Variants in DPP6 observed in about 807,000 individuals in gnomAD.
DPP6 encodes A-type potassium channel modulatory protein DPP6.
In DPP6, 69 loss-of-function variants were observed where a neutral mutation model predicts 122.6. That is an observed-to-expected ratio of 0.56 (90% CI 0.46 to 0.69). DPP6 has a LOEUF of 0.69. Among genes scored for constraint, DPP6 ranks in the 30% least tolerant of loss-of-function variants. DPP6 has a pLI of 0.00. For synonymous variants in DPP6, 418 were observed against 433.1 expected (o/e 0.97, Z 0.43); for missense variants, 928 against 1,116.9 (o/e 0.83, Z 2.41).
intron 1 of DPP6, among the ~76,000 whole-genome samples, chr7:153,966,600 C>A (rs1795749365): frequency 2.7e-5 from 1 of 36,846 alleles, no homozygotes. Context: ...TGCATATAGC[C>A]CTTTTTTTTT....
At chr7:153,796,553 G>A in the DPP6 span, among the ~76,000 whole-genome samples, 92 of 152,224 alleles carry the variant, frequency 6.0e-4, no homozygotes, top group East Asian at 0.015. Flanking sequence ...AGTGATAGGA[G>A]TGTTTTTGTT....
chr7:154,701,616 T>C (rs1266449744), intron 7 of DPP6, among the ~76,000 whole-genome samples: 1 of 152,216 alleles, frequency 6.6e-6, no homozygotes, highest in African/African-American at 2.4e-5. Context: ...GCCATATCAT[T>C]GCTTCACTCA....
intron 1 of DPP6, among the ~76,000 whole-genome samples, chr7:154,004,364 A>G (rs968821591): frequency 5.3e-5 from 8 of 152,182 alleles, no homozygotes; most frequent in African/African-American, 1.9e-4. Flanking sequence ...CGTGTCAGGA[A>G]CTGTGCCAAG....
chr7:154,866,643 C>T (rs1020632664), intron 17 of DPP6, among the ~76,000 whole-genome samples: 9 of 152,222 alleles, frequency 5.9e-5, no homozygotes, highest in African/African-American at 1.7e-4. Context: ...ACGTGGTGTT[C>T]GGAACCTTTC....
At position 154,090,905 on chromosome 7, in the gene DPP6, AG is replaced by A. The variant is rs1474941705; in HGVS notation, c.243+37843del. 6.7e-5 allele frequency among the ~76,000 whole-genome samples: 10 copies of A among 148,954 alleles called. 1 individual carries two copies. Among genetic ancestry groups the A allele is most frequent in the Admixed American group, 3.4e-4 (5 of 14,842 alleles). ...GGAGGCCGAGGCGGGCGGATCACAA[AG>A]TCAGGAGATCGAGACCATCCTGGCT... On this transcript the variant is annotated intron_variant, in intron 1 of 25. Coordinates refer to ENST00000377770, the MANE Select transcript of DPP6 (RefSeq NM_130797.4).
At chr7:153,874,152 C>A in the DPP6 span, among the ~76,000 whole-genome samples, 1 of 151,978 alleles carries the variant, frequency 6.6e-6, no homozygotes, top group Admixed American at 6.5e-5. Context: ...ATCTGCACAC[C>A]TAGTATTGGA....
intron 8 of DPP6, among the ~76,000 whole-genome samples, chr7:154,759,519 C>G (rs1402920830): frequency 1.3e-5 from 2 of 152,224 alleles, no homozygotes; most frequent in Non-Finnish European, 2.9e-5. Context: ...ACTGTGCGGT[C>G]TTTCCTTCCG....
chr7:154,165,441 A>G (rs1797198481), intron 1 of DPP6, among the ~76,000 whole-genome samples: 1 of 149,044 alleles, frequency 6.7e-6, no homozygotes, highest in African/African-American at 2.6e-5. Context: ...AGTCTTTGCT[A>G]TTGTGAATAA....
At chr7:153,894,119 A>G (rs921276486) in intron 1 of DPP6, among the ~76,000 whole-genome samples, 7 of 152,214 alleles carry the variant, frequency 4.6e-5, no homozygotes, top group African/African-American at 1.4e-4. Context: ...TAAAGACTAC[A>G]GACTAAACTT....
the DPP6 span, among the ~76,000 whole-genome samples, chr7:153,792,465 T>C: frequency 6.6e-6 from 1 of 152,222 alleles, no homozygotes; most frequent in Non-Finnish European, 1.5e-5. Context: ...AAATTCACCA[T>C]TGAAGCCATT....
At chr7:154,243,104 C>T (rs1801749140) in intron 1 of DPP6, among the ~76,000 whole-genome samples, 1 of 152,086 alleles carries the variant, frequency 6.6e-6, no homozygotes, top group Admixed American at 6.6e-5. Flanking sequence ...CCTGGTATGA[C>T]CAAAAAGATC....
chr7:154,462,443 G>A (rs1047022471), intron 2 of DPP6, among the ~76,000 whole-genome samples: 2 of 152,214 alleles, frequency 1.3e-5, no homozygotes, highest in Non-Finnish European at 2.9e-5. Flanking sequence ...CCTGTAGACT[G>A]CTTTAGATAG....
chr7:154,328,245 C>T (rs1200388726), intron 1 of DPP6, among the ~76,000 whole-genome samples: 2 of 152,166 alleles, frequency 1.3e-5, no homozygotes, highest in Non-Finnish European at 2.9e-5. Flanking sequence ...CTTCTGTGGG[C>T]ATGGCCTCCT....
intron 1 of DPP6, among the ~76,000 whole-genome samples, chr7:154,042,196 G>A (rs1799802585): frequency 6.6e-6 from 1 of 152,120 alleles, no homozygotes; most frequent in Non-Finnish European, 1.5e-5. Flanking sequence ...TCTCTTACCA[G>A]AGAGAAAAAT....
chr7:154,428,105 GC>G (rs1479779495), intron 1 of DPP6, among the ~76,000 whole-genome samples: 1 of 152,154 alleles, frequency 6.6e-6, no homozygotes, highest in African/African-American at 2.4e-5. Context: ...ACAGTGATCT[GC>G]CAGATGAAAA....
intron 8 of DPP6, among the ~76,000 whole-genome samples, chr7:154,742,852 T>C (rs772958438): frequency 6.6e-6 from 1 of 152,106 alleles, no homozygotes; most frequent in Non-Finnish European, 1.5e-5. Context: ...GTATTTGGGA[T>C]CTCAAGAGCC....
At chr7:153,875,231 A>T in the DPP6 span, among the ~76,000 whole-genome samples, 966 of 152,326 alleles carry the variant, frequency 6.3e-3, 9 homozygotes, top group African/African-American at 0.022. Flanking sequence ...AATGAAAATA[A>T]ATGCCAAAAT....
chr7:154,880,906 G>A lies in DPP6; in HGVS notation c.2097G>A (p.Gln699=). 1 of 1,614,018 alleles carries A rather than the reference G, an allele frequency of 6.2e-7. No homozygotes were observed. Among genetic ancestry groups the A allele is most frequent in the Non-Finnish European group, 8.5e-7 (1 of 1,179,898 alleles). Residue 699 remains glutamine, a synonymous_variant, in exon 21 of 26, where the codon CAG becomes CAA. Coordinates refer to ENST00000377770, the MANE Select transcript of DPP6 (RefSeq NM_130797.4). ...CTCACAGGACGATGCTGAAGGAGCA[G>A]TACATTGACAGGACGCGCGTGGCCG... ...MEAVRTMLKE[Q]YIDRTRVAVF... is the part of the protein sequence containing the mutation.
At chr7:153,874,578 G>A in the DPP6 span, among the ~76,000 whole-genome samples, 9,263 of 152,066 alleles carry the variant, frequency 0.061, 446 homozygotes, top group East Asian at 0.22. Context: ...ATTTCACTGC[G>A]TTGGCCAGGC....
Sources: allele counts gnomAD v4.1 joint callset (sites outside exome capture counted in the v4.1 genomes callset), GRCh38; gene constraint gnomAD v4.1.1; transcripts MANE v1.5; gene names NCBI Gene and HGNC (gene_info 2026-07-23, HGNC 2026-07-21).